The following PPP1R14D variants were observed in gnomAD, a reference collection of about 807,000 sequenced individuals.
The protein encoded by PPP1R14D is protein phosphatase 1 regulatory subunit 14D.
PPP1R14D carries 14 observed loss-of-function variants against 17.1 expected under a neutral mutation model. The observed-to-expected ratio is 0.82, with a 90% CI of 0.54 to 1.28. PPP1R14D has a LOEUF of 1.28. Among genes scored for constraint, PPP1R14D ranks in the 50% most tolerant of loss-of-function variants. The probability of loss-of-function intolerance (pLI) is 0.00; values close to 1 mark genes in which losing one functional copy is unlikely to be tolerated. For missense variants in PPP1R14D, 173 were observed against 179.2 expected (o/e 0.97, Z 0.20); for synonymous variants, 67 against 66.1 (o/e 1.01, Z -0.06).
At chr15:40,825,766 G>C (rs796509794) in intron 1 of PPP1R14D, among the ~76,000 whole-genome samples, 9 of 152,320 alleles carry the variant, frequency 5.9e-5, no homozygotes, top group African/African-American at 2.2e-4. Flanking sequence ...CTGCTGAAAA[G>C]AGCAGGGATT....
Position 40,826,347 on chromosome 15 carries a change from G to C in PPP1R14D, c.255+2040C>G, listed in dbSNP as rs117557381. On this transcript the variant is annotated intron_variant, in intron 1 of 3. Transcript: ENST00000299174. ...GGGCCCTGCTGCTCCAAAAAGATAG[G>C]ATCTGAGTCAACAAGAAAGAGAAAC... 1.4e-3 allele frequency among the ~76,000 whole-genome samples: 210 copies of C among 152,214 alleles called. 3 individuals are homozygous for C. The East Asian group carries it at 0.026, about 19-fold the overall frequency.
At chr15:40,822,547 G>A (rs967430898) in intron 1 of PPP1R14D, among the ~76,000 whole-genome samples, 38 of 151,710 alleles carry the variant, frequency 2.5e-4, no homozygotes, top group Non-Finnish European at 4.7e-4. Context: ...TCTGCCTCCC[G>A]GGTTCAAGTG....
intron 1 of PPP1R14D, among the ~76,000 whole-genome samples, chr15:40,827,408 T>C (rs1160943908): frequency 1.3e-5 from 2 of 152,138 alleles, no homozygotes; most frequent in Non-Finnish European, 2.9e-5. Context: ...CTCGGGAGGC[T>C]GAGGCAGGAG....
Position 40,828,434 on chromosome 15 carries a change from G to C in PPP1R14D, c.208C>G (p.Leu70Val). The C allele has an allele frequency of 9.3e-6, 15 of 1,613,374 alleles. No homozygotes were observed. The highest frequency in any genetic ancestry group is 1.2e-5 in the Non-Finnish European group (14 of 1,179,656). Residue 70 changes from leucine (L) to valine (V), a missense_variant, in exon 1 of 4, where the codon CTG becomes GTG. By Grantham distance (32) the Leu-to-Val change is conservative. Coordinates refer to ENST00000299174, the MANE Select transcript of PPP1R14D (RefSeq NM_017726.8). ...KYDRGQLQRW[L>V]EMEQWVDAQV... ...GCATCCACCCATTGCTCCATCTCCA[G>C]CCAGCGCTGGAGCTGGCCCCGGTCA...
chr15:40,824,289 G>A (rs927756269), intron 1 of PPP1R14D, among the ~76,000 whole-genome samples: 8 of 152,048 alleles, frequency 5.3e-5, no homozygotes, highest in East Asian at 3.9e-4. Flanking sequence ...ATAAGGCTCA[G>A]ATGAACCAAC....
intron 1 of PPP1R14D, among the ~76,000 whole-genome samples, chr15:40,819,615 AG>A (rs1890735861): frequency 6.6e-6 from 1 of 152,122 alleles, no homozygotes; most frequent in African/African-American, 2.4e-5. Flanking sequence ...AATCTCCGAA[AG>A]AGTTCTTAGG....
At chr15:40,817,175 G>C (rs1041152934) in intron 1 of PPP1R14D, 1 of 220,694 alleles carries the variant, frequency 4.5e-6, no homozygotes, top group African/African-American at 2.4e-5. Context: ...TGGCCAACGT[G>C]GTAAAACCCC....
chr15:40,828,350 G>A, intron 1 of PPP1R14D, 37 bp downstream of exon 1: 1 of 1,540,024 alleles, frequency 6.5e-7, no homozygotes, highest in African/African-American at 1.4e-5. Context: ...TGGACCCCAG[G>A]CCCCCATCTC....
At chr15:40,821,703 G>A (rs796105214) in intron 1 of PPP1R14D, among the ~76,000 whole-genome samples, 11 of 151,630 alleles carry the variant, frequency 7.3e-5, no homozygotes, top group African/African-American at 2.2e-4. Flanking sequence ...TGAGGCAGGC[G>A]GATCACCTGA....
intron 2 of PPP1R14D, 44 bp downstream of exon 2, chr15:40,816,126 T>G (rs1437849552): frequency 1.7e-5 from 28 of 1,606,806 alleles, no homozygotes; most frequent in Non-Finnish European, 2.1e-5. Context: ...CCTGGGTTTC[T>G]GGGTTCCCAC....
chr15:40,823,678 A>G (rs1890822481), intron 1 of PPP1R14D, among the ~76,000 whole-genome samples: 1 of 152,182 alleles, frequency 6.6e-6, no homozygotes, highest in Non-Finnish European at 1.5e-5. Flanking sequence ...ACAGGTTTGT[A>G]GCCTAGGAAT....
intron 1 of PPP1R14D, among the ~76,000 whole-genome samples, chr15:40,822,107 T>C (rs1001559873): frequency 6.6e-6 from 1 of 151,898 alleles, no homozygotes; most frequent in Admixed American, 6.6e-5. Flanking sequence ...GCAGACCCCA[T>C]CTCTATTTTT....
chr15:40,821,035 A>G (rs1239379910), intron 1 of PPP1R14D, among the ~76,000 whole-genome samples: 1 of 56,762 alleles, frequency 1.8e-5, no homozygotes, highest in Non-Finnish European at 3.3e-5. Flanking sequence ...AAAAAAAAAT[A>G]AGAAGAAAAA....
chr15:40,816,353 G>T, intron 1 of PPP1R14D, 100 bp from the exon 2 acceptor site: 1 of 934,194 alleles, frequency 1.1e-6, no homozygotes, highest in Non-Finnish European at 1.7e-6. Context: ...AATTTCCCAT[G>T]GTTAGACTTT....
In PPP1R14D at chr15:40,828,432, C is replaced by T. The variant is rs776844516; in HGVS notation, c.210G>A (p.Leu70=). Reference sequence around the variant, plus strand: ...GAGCATCCACCCATTGCTCCATCTCCAGCCAGCGCTGGAGCTGGCCCCGGT... The same window carrying T: ...GAGCATCCACCCATTGCTCCATCTCTAGCCAGCGCTGGAGCTGGCCCCGGT... The part of the protein sequence containing the change: ...KYDRGQLQRW[L]EMEQWVDAQV... The change falls in exon 1 of 4, where the codon CTG becomes CTA. Residue 70 remains leucine, a synonymous_variant. Transcript: ENST00000299174. The T allele has an allele frequency of 6.2e-7, 1 of 1,613,060 alleles. No homozygotes were observed. The highest frequency in any genetic ancestry group is 8.5e-7 in the Non-Finnish European group (1 of 1,179,526).
intron 1 of PPP1R14D, among the ~76,000 whole-genome samples, chr15:40,821,669 T>A (rs1596127242): frequency 6.6e-6 from 1 of 152,228 alleles, no homozygotes; most frequent in East Asian, 1.9e-4. Flanking sequence ...GGCTCATGCC[T>A]GTAATCCCAG....
intron 1 of PPP1R14D, among the ~76,000 whole-genome samples, chr15:40,822,238 A>G (rs1890792101): frequency 6.6e-6 from 1 of 152,002 alleles, no homozygotes; most frequent in Non-Finnish European, 1.5e-5. Flanking sequence ...TAATCCCAGT[A>G]CTTTGGGAGG....
chr15:40,818,150 C>T (rs1008778986), intron 1 of PPP1R14D, among the ~76,000 whole-genome samples: 4 of 121,184 alleles, frequency 3.3e-5, no homozygotes, highest in Non-Finnish European at 4.9e-5. Flanking sequence ...ATTAGCTGGG[C>T]GTGGTGGTGG....
At chr15:40,819,720 C>T (rs1193712117) in intron 1 of PPP1R14D, among the ~76,000 whole-genome samples, 1 of 152,046 alleles carries the variant, frequency 6.6e-6, no homozygotes, top group Non-Finnish European at 1.5e-5. Flanking sequence ...GATTTAAGAA[C>T]TCTTTCTTTT....
Sources: gnomAD v4.1 joint callset for allele counts (sites outside exome capture counted in the v4.1 genomes callset) on GRCh38, gnomAD v4.1.1 for gene constraint, MANE v1.5 for transcripts, NCBI Gene and HGNC (gene_info 2026-07-23, HGNC 2026-07-21) for gene names.